Variants in PPP3CA observed in about 807,000 individuals in gnomAD.
PPP3CA encodes the protein CAM-PRP catalytic subunit.
Under a neutral mutation model 66.5 loss-of-function variants are expected in PPP3CA, and 14 were observed. The observed-to-expected ratio is 0.21, with a 90% CI of 0.14 to 0.33. PPP3CA has a LOEUF of 0.33. Among genes scored for constraint, PPP3CA ranks in the 10% least tolerant of loss-of-function variants. The probability of loss-of-function intolerance (pLI) is 1.00; values close to 1 mark genes in which losing one functional copy is unlikely to be tolerated. For synonymous variants in PPP3CA, 232 were observed against 226.2 expected (o/e 1.03, Z -0.23); for missense variants, 317 against 639.5 (o/e 0.50, Z 5.44).
chr4:101,112,527 T>C (rs555158776), intron 2 of PPP3CA, among the ~76,000 whole-genome samples: 1 of 152,256 alleles, frequency 6.6e-6, no homozygotes, highest in South Asian at 2.1e-4. Context: ...CCACCTATCA[T>C]AATGTTCAGT....
chr4:101,335,076 T>C (rs1225710196), intron 1 of PPP3CA, among the ~76,000 whole-genome samples: 1 of 152,144 alleles, frequency 6.6e-6, no homozygotes. Context: ...CTCTCGTTTA[T>C]ACGTAGATAT....
At chr4:101,292,027 T>G (rs1728043041) in intron 1 of PPP3CA, among the ~76,000 whole-genome samples, 1 of 150,490 alleles carries the variant, frequency 6.6e-6, no homozygotes, top group Non-Finnish European at 1.5e-5. Context: ...TTCGAGAGAC[T>G]GAAGTGGGAG....
intron 2 of PPP3CA, among the ~76,000 whole-genome samples, chr4:101,166,879 T>C (rs1723710743): frequency 6.6e-6 from 1 of 152,352 alleles, no homozygotes; most frequent in South Asian, 2.1e-4. Flanking sequence ...ATTTATTTAC[T>C]TTGTTGATAT....
intron 1 of PPP3CA, among the ~76,000 whole-genome samples, chr4:101,311,121 A>T (rs560657360): frequency 5.9e-5 from 9 of 152,354 alleles, no homozygotes; most frequent in Non-Finnish European, 1.3e-4. Context: ...ATCCAAGTAT[A>T]ACTTAAACTC....
intron 1 of PPP3CA, among the ~76,000 whole-genome samples, chr4:101,247,025 T>C (rs1726503469): frequency 6.6e-6 from 1 of 152,154 alleles, no homozygotes; most frequent in Non-Finnish European, 1.5e-5. Flanking sequence ...AGAGCAAATA[T>C]AATTAGTTTG....
intron 2 of PPP3CA, among the ~76,000 whole-genome samples, chr4:101,118,990 G>A (rs1234880378): frequency 7.4e-6 from 1 of 134,388 alleles, no homozygotes; most frequent in Admixed American, 7.7e-5. Context: ...AAACAATGAA[G>A]CAAGCAATGT....
intron 1 of PPP3CA, among the ~76,000 whole-genome samples, chr4:101,280,142 A>G (rs1727633079): frequency 6.6e-6 from 1 of 152,210 alleles, no homozygotes; most frequent in Admixed American, 6.5e-5. Flanking sequence ...TAGAGCATAT[A>G]TTCTTGGAAT....
intron 1 of PPP3CA, among the ~76,000 whole-genome samples, chr4:101,332,774 T>C (rs1729429918): frequency 6.6e-6 from 1 of 152,110 alleles, no homozygotes; most frequent in South Asian, 2.1e-4. Flanking sequence ...GAAAAATGGG[T>C]TCAAGATGGT....
chr4:101,086,741 T>A (rs963674629), intron 6 of PPP3CA, among the ~76,000 whole-genome samples: 1 of 152,184 alleles, frequency 6.6e-6, no homozygotes, highest in Non-Finnish European at 1.5e-5. Context: ...ATATCACTTA[T>A]CATGTTGTAG....
At chr4:101,040,670 T>C (rs1316973004) in intron 10 of PPP3CA, 104 bp from the exon 11 acceptor site, 4 of 719,470 alleles carry the variant, frequency 5.6e-6, no homozygotes, top group Non-Finnish European at 8.0e-6. Context: ...AAATCAGTAT[T>C]TTTTTTTTTT....
intron 1 of PPP3CA, among the ~76,000 whole-genome samples, chr4:101,287,643 A>G (rs1254901505): frequency 6.6e-6 from 1 of 152,230 alleles, no homozygotes; most frequent in Non-Finnish European, 1.5e-5. Context: ...TTCTACAGCC[A>G]GGACAAGAAA....
intron 10 of PPP3CA, among the ~76,000 whole-genome samples, chr4:101,045,036 C>A (rs1301185864): frequency 6.6e-6 from 1 of 152,240 alleles, no homozygotes; most frequent in Non-Finnish European, 1.5e-5. Flanking sequence ...TGACTTCCAG[C>A]TCAGTTACCA....
In PPP3CA at chr4:101,033,288, AC is replaced by A. The variant is rs1190986084; in HGVS notation, c.1242-925del. 5.5e-3 allele frequency among the ~76,000 whole-genome samples: 396 copies of A among 71,674 alleles called. 5 individuals carry two copies. The highest frequency in any genetic ancestry group is 0.019 in the African/African-American group (361 of 18,584). 47.0% of individuals were successfully genotyped at this position (71,674 alleles called of 152,430 possible). A position where few individuals can be genotyped will look rare whatever the true frequency, so the allele number is the denominator to read the frequency against. Reference sequence around the variant, plus strand: ...TACATACATAGAGACACACACACACACACAAACACACACACACACACACACA... The same window carrying A: ...TACATACATAGAGACACACACACACAACAAACACACACACACACACACACA... On this transcript the variant is annotated intron_variant, in intron 11 of 13. Transcript: ENST00000394854.
rs182114111 is a variant in PPP3CA at position 101,046,339 on chromosome 4, T to C, written c.1157-5773A>G. ...AATGTGAAAAAGCTGCTTTTAAAAA[T>C]TGTTATTGTTATTGAGTTGTATTTT... On this transcript the variant is annotated intron_variant, in intron 10 of 13. Transcript: ENST00000394854. 1.4e-3 allele frequency among the ~76,000 whole-genome samples: 213 copies of C among 152,202 alleles called. 1 individual carries two copies. Among genetic ancestry groups the C allele is most frequent in the Admixed American group, 0.013 (197 of 15,272 alleles).
chr4:101,179,277 T>A (rs2110173497), intron 2 of PPP3CA, among the ~76,000 whole-genome samples: 1 of 151,408 alleles, frequency 6.6e-6, no homozygotes, highest in Non-Finnish European at 1.5e-5. Flanking sequence ...TGAGCCTAGA[T>A]TTCATCTACA....
At chr4:101,216,596 A>G (rs547334640) in intron 1 of PPP3CA, among the ~76,000 whole-genome samples, 7 of 151,966 alleles carry the variant, frequency 4.6e-5, no homozygotes, top group African/African-American at 1.7e-4. Flanking sequence ...TGAATTCAGC[A>G]GCGCAATCTC....
At chr4:101,056,696 C>T (rs1250333049) in intron 10 of PPP3CA, among the ~76,000 whole-genome samples, 1 of 152,076 alleles carries the variant, frequency 6.6e-6, no homozygotes, top group Admixed American at 6.6e-5. Context: ...TTCTGCTTTG[C>T]CTTTTCAGGC....
chr4:101,038,643 C>G (rs1037507132), intron 11 of PPP3CA, among the ~76,000 whole-genome samples: 8 of 152,276 alleles, frequency 5.3e-5, no homozygotes, highest in Admixed American at 1.3e-4. Context: ...GCTGGGATTA[C>G]AGGCGTGAGC....
intron 12 of PPP3CA, among the ~76,000 whole-genome samples, 178 bp from the exon 13 acceptor site, chr4:101,029,373 GA>G (rs869076192): frequency 0.022 from 1,301 of 58,942 alleles, 4 homozygotes; most frequent in Non-Finnish European, 0.037. Context: ...AAAAAAAAAA[GA>G]AAAAAAATGC....
Sources: gnomAD v4.1 joint callset for allele counts (sites outside exome capture counted in the v4.1 genomes callset) on GRCh38, gnomAD v4.1.1 for gene constraint, MANE v1.5 for transcripts, NCBI Gene and HGNC (gene_info 2026-07-23, HGNC 2026-07-21) for gene names.